KIAA1328: variants seen among roughly 807,000 people sequenced by gnomAD.
KIAA1328 encodes protein hinderin.
Under a neutral mutation model 68.1 loss-of-function variants are expected in KIAA1328, and 52 were observed. That is an observed-to-expected ratio of 0.76 (90% CI 0.61 to 0.96). KIAA1328 has a LOEUF of 0.96. Ranked by LOEUF, KIAA1328 falls within the 40% of genes least tolerant of loss-of-function variation. The pLI is 0.00. For synonymous variants in KIAA1328, 232 were observed against 239.4 expected (o/e 0.97, Z 0.28); for missense variants, 641 against 677.6 (o/e 0.95, Z 0.60).
intron 4 of KIAA1328, among the ~76,000 whole-genome samples, chr18:36,874,536 G>A (rs2048055792): frequency 6.6e-6 from 1 of 152,014 alleles, no homozygotes; most frequent in South Asian, 2.1e-4. Context: ...GGGGTTGTTT[G>A]TTTTTTTCTT....
chr18:36,990,873 GAA>G (rs772924267), intron 6 of KIAA1328, among the ~76,000 whole-genome samples: 1 of 152,028 alleles, frequency 6.6e-6, no homozygotes, highest in Non-Finnish European at 1.5e-5. Context: ...TACGTTGAGA[GAA>G]AAAGTCACTT....
chr18:37,153,319 C>T (rs572200788), intron 7 of KIAA1328, among the ~76,000 whole-genome samples: 9 of 152,228 alleles, frequency 5.9e-5, no homozygotes, highest in Admixed American at 1.3e-4. Context: ...CATTGATTTC[C>T]TTGGCTTAGG....
At chr18:37,102,783 C>T (rs141451293) in intron 7 of KIAA1328, among the ~76,000 whole-genome samples, 85 of 152,152 alleles carry the variant, frequency 5.6e-4, no homozygotes, top group Non-Finnish European at 1.2e-3. Flanking sequence ...AAGAGGAAGT[C>T]AAATATTCCC....
intron 7 of KIAA1328, among the ~76,000 whole-genome samples, chr18:37,131,468 G>T (rs1293957582): frequency 6.6e-6 from 1 of 152,032 alleles, no homozygotes; most frequent in African/African-American, 2.4e-5. Context: ...TATATAAACT[G>T]CAGTTTATAT....
At chr18:36,963,606 AGGCTACTTCCTT>A (rs1375236929) in intron 6 of KIAA1328, among the ~76,000 whole-genome samples, 4 of 151,458 alleles carry the variant, frequency 2.6e-5, no homozygotes, top group Non-Finnish European at 5.9e-5. Context: ...TTGCCCAATA[AGGCTACTTCCTT>A]GCAGTAACGG....
At chr18:36,835,463 T>C (rs2046643473) in intron 3 of KIAA1328, 87 bp downstream of exon 3, 1 of 1,196,520 alleles carries the variant, frequency 8.4e-7, no homozygotes, top group East Asian at 2.5e-5. Context: ...TTTGAAAGTA[T>C]ACTAGGTGAT....
At chr18:36,918,590 T>A (rs1458456070) in intron 5 of KIAA1328, among the ~76,000 whole-genome samples, 1 of 152,060 alleles carries the variant, frequency 6.6e-6, no homozygotes, top group African/African-American at 2.4e-5. Flanking sequence ...CTGTTTTGTA[T>A]TTTTAGTAGA....
intron 5 of KIAA1328, among the ~76,000 whole-genome samples, chr18:36,891,988 C>G (rs1481727515): frequency 6.6e-6 from 1 of 152,154 alleles, no homozygotes; most frequent in African/African-American, 2.4e-5. Flanking sequence ...AGAAAATTCA[C>G]AAGATTTTTA....
intron 6 of KIAA1328, among the ~76,000 whole-genome samples, chr18:37,022,608 T>TA (rs1203787838): frequency 6.6e-6 from 1 of 152,152 alleles, no homozygotes; most frequent in South Asian, 2.1e-4. Context: ...TATCTTCCAA[T>TA]AAAAAACTCT....
At chr18:37,102,308 A>T (rs1329443546) in intron 7 of KIAA1328, among the ~76,000 whole-genome samples, 1 of 152,202 alleles carries the variant, frequency 6.6e-6, no homozygotes, top group East Asian at 1.9e-4. Context: ...CAGGAAGAAT[A>T]CATATTGGAT....
chr18:37,015,909 T>C (rs2054135847), intron 6 of KIAA1328, among the ~76,000 whole-genome samples: 2 of 152,210 alleles, frequency 1.3e-5, no homozygotes, highest in Admixed American at 6.5e-5. Flanking sequence ...GATGGAGTCT[T>C]TAGGGTTTCC....
chr18:37,052,202 A>G (rs1330936915), intron 6 of KIAA1328, among the ~76,000 whole-genome samples: 1 of 152,202 alleles, frequency 6.6e-6, no homozygotes, highest in Non-Finnish European at 1.5e-5. Context: ...ACATATGCAA[A>G]TGAATAAATG....
intron 7 of KIAA1328, among the ~76,000 whole-genome samples, chr18:37,132,175 TG>T (rs1321835465): frequency 6.6e-6 from 1 of 152,182 alleles, no homozygotes; most frequent in Non-Finnish European, 1.5e-5. Context: ...TTGAGGCCCC[TG>T]TGATGGAATA....
At chr18:36,846,388 A>G (rs1001260533) in intron 4 of KIAA1328, among the ~76,000 whole-genome samples, 1 of 151,534 alleles carries the variant, frequency 6.6e-6, no homozygotes, top group African/African-American at 2.4e-5. Context: ...AATAGTCTAT[A>G]TTATTTTCTA....
intron 6 of KIAA1328, among the ~76,000 whole-genome samples, chr18:37,027,423 CAAAAG>C (rs910447129): frequency 6.6e-6 from 1 of 152,138 alleles, no homozygotes; most frequent in African/African-American, 2.4e-5. Flanking sequence ...AATCCTAAAA[CAAAAG>C]AACAAAGCTG....
At chr18:37,180,900 C>T (rs991421191) in intron 9 of KIAA1328, among the ~76,000 whole-genome samples, 1 of 151,964 alleles carries the variant, frequency 6.6e-6, no homozygotes, top group African/African-American at 2.4e-5. Context: ...TCGTTAAATG[C>T]CAGTTATGTA....
rs755417719 is a variant in KIAA1328, at chr18:37,222,067, C to T, written c.1574C>T (p.Ala525Val). 3.7e-5 allele frequency: 59 copies of T among 1,613,490 alleles called. No individual in the cohort carries two copies. The highest frequency in any genetic ancestry group is 6.7e-5 in the African/African-American group (5 of 74,892). Residue 525 changes from alanine (A) to valine (V), a missense_variant, in exon 10 of 10, where the codon GCG becomes GTG. Coordinates refer to ENST00000280020, the MANE Select transcript of KIAA1328 (RefSeq NM_020776.3). ...DLVQSLSPNS[A>V]PKPQRYPSRE... ...GTTCAGTCTCTGAGCCCAAACTCTG[C>T]GCCCAAACCTCAGCGCTATCCCTCC... is the stretch of plus-strand genomic sequence containing the variant.
chr18:37,224,383 A>G lies in KIAA1328; in HGVS notation c.*2156A>G, dbSNP rs762316709. On this transcript the variant is annotated 3_prime_UTR_variant, in exon 10 of 10. Coordinates refer to ENST00000280020, the MANE Select transcript of KIAA1328 (RefSeq NM_020776.3). ...TTATTGCTTCTTTGCCTCTCCATGA[A>G]TGGCCAATTTGGAAAAGCAGAGATG... 8 of 985,158 alleles carry G rather than the reference A, an allele frequency of 8.1e-6. No homozygotes were observed. Among genetic ancestry groups the G allele is most frequent in the Non-Finnish European group, 3.6e-6 (3 of 829,904 alleles). 61.0% of individuals were successfully genotyped at this position (985,158 alleles called of 1,614,324 possible). A position where few individuals can be genotyped will look rare whatever the true frequency, so the allele number is the denominator to read the frequency against.
intron 6 of KIAA1328, among the ~76,000 whole-genome samples, chr18:36,992,418 C>G (rs72888992): frequency 6.8e-6 from 1 of 148,024 alleles, no homozygotes; most frequent in Non-Finnish European, 1.5e-5. Context: ...GGAATTGATG[C>G]GAGGCAAAGG....
Sources: gnomAD v4.1 joint callset for allele counts (sites outside exome capture counted in the v4.1 genomes callset) on GRCh38, gnomAD v4.1.1 for gene constraint, MANE v1.5 for transcripts, NCBI Gene and HGNC (gene_info 2026-07-23, HGNC 2026-07-21) for gene names.